Variants in LRBA observed in about 807,000 individuals in gnomAD.
LRBA encodes lipopolysaccharide-responsive and beige-like anchor protein.
In LRBA, 176 loss-of-function variants were observed where a neutral mutation model predicts 330.0. The observed-to-expected ratio is 0.53, with a 90% CI of 0.47 to 0.60. LRBA has a LOEUF of 0.60. Ranked by LOEUF, LRBA falls within the 20% of genes least tolerant of loss-of-function variation. The probability of loss-of-function intolerance (pLI) is 0.00; values close to 1 mark genes in which losing one functional copy is unlikely to be tolerated. For synonymous variants in LRBA, 1,230 were observed against 1,193.0 expected (o/e 1.03, Z -0.64); for missense variants, 3,259 against 3,444.8 (o/e 0.95, Z 1.35).
chr4:150,867,208 T>C (rs1752826380), intron 22 of LRBA, among the ~76,000 whole-genome samples: 1 of 152,078 alleles, frequency 6.6e-6, no homozygotes, highest in African/African-American at 2.4e-5. Context: ...AGCTTTTCTG[T>C]TTACTCATCC....
At chr4:150,463,387 AT>A (rs1040531581) in intron 44 of LRBA, among the ~76,000 whole-genome samples, 2 of 152,008 alleles carry the variant, frequency 1.3e-5, no homozygotes, top group African/African-American at 4.8e-5. Flanking sequence ...AAGGGCAAAT[AT>A]TTCACAAAAT....
chr4:150,970,523 TTGTGTGTGTGTGTGTG>T (rs372306849), intron 2 of LRBA: 1 of 115,632 alleles, frequency 8.6e-6, no homozygotes, highest in African/African-American at 3.4e-5. Flanking sequence ...TAATATATAC[TTGTGTGTGTGTGTGTG>T]TGTGTGTGTG....
At chr4:150,907,135 C>CAA (rs556917960) in intron 11 of LRBA, among the ~76,000 whole-genome samples, 98 of 131,676 alleles carry the variant, frequency 7.4e-4, no homozygotes, top group African/African-American at 2.4e-3. Flanking sequence ...TCCCACAAAA[C>CAA]AAAAAAAAAG....
intron 56 of LRBA, among the ~76,000 whole-genome samples, chr4:150,271,389 G>A (rs534203538): frequency 6.6e-6 from 1 of 152,008 alleles, no homozygotes; most frequent in African/African-American, 2.4e-5. Flanking sequence ...CTGGAAAGGA[G>A]GCTGAAGCCA....
In LRBA at chr4:150,383,899, G is replaced by C. The variant is rs1186966167; in HGVS notation, c.7194+31539C>G. On this transcript the variant is annotated intron_variant, in intron 47 of 56. Coordinates refer to ENST00000651943, the MANE Select transcript of LRBA (RefSeq NM_001364905.1). ...ATCTGCCTCCAGGTGGTGAAAAAGG[G>C]GAGTGTGTATAGCATTACAGTCTGG... Among the ~76,000 whole-genome samples, 81 of 152,186 alleles carry C rather than the reference G, an allele frequency of 5.3e-4. 1 individual carries two copies. Among genetic ancestry groups the C allele is most frequent in the Non-Finnish European group, 1.5e-5 (1 of 67,996 alleles).
chr4:150,435,686 A>T lies in LRBA; in HGVS notation c.6944T>A (p.Leu2315Gln), dbSNP rs1751017555. 4 of 1,611,036 alleles carry T rather than the reference A, an allele frequency of 2.5e-6. No homozygotes were observed. Among genetic ancestry groups the T allele is most frequent in the Non-Finnish European group, 3.4e-6 (4 of 1,178,896 alleles). The change falls in exon 46 of 57, where the codon CTA (leucine) becomes CAA (glutamine). Residue 2315 changes from leucine (L) to glutamine (Q), a missense_variant. By Grantham distance (113) the Leu-to-Gln change is moderately radical. Coordinates refer to ENST00000651943, the MANE Select transcript of LRBA (RefSeq NM_001364905.1). ...LRIEPFTTYFLNLQGGKFDHA... is the reference protein window; with the variant it reads ...LRIEPFTTYFQNLQGGKFDHA... ...ATCAAATTTGCCTCCTTGCAAATTT[A>T]GGAAATAAGTTGTAAAGGGTTCCTA...
intron 40 of LRBA, among the ~76,000 whole-genome samples, chr4:150,493,581 A>G (rs1222146182): frequency 6.6e-6 from 1 of 152,234 alleles, no homozygotes; most frequent in East Asian, 1.9e-4. Flanking sequence ...AAACTAGGGT[A>G]TCCAGCAAAC....
chr4:150,795,333 G>A (rs62346346), intron 34 of LRBA, among the ~76,000 whole-genome samples: 14,858 of 152,038 alleles, frequency 0.098, 1,355 homozygotes, highest in African/African-American at 0.25. Context: ...TGGCACACAA[G>A]TAAGTTGCAT....
intron 30 of LRBA, among the ~76,000 whole-genome samples, chr4:150,825,814 C>T (rs1314888153): frequency 6.6e-6 from 1 of 152,104 alleles, no homozygotes; most frequent in Non-Finnish European, 1.5e-5. Flanking sequence ...AAAGTCATGA[C>T]ATTATAAGAA....
intron 36 of LRBA, among the ~76,000 whole-genome samples, chr4:150,712,391 T>C (rs1242913315): frequency 6.6e-6 from 1 of 152,114 alleles, no homozygotes; most frequent in Non-Finnish European, 1.5e-5. Flanking sequence ...TCTAAGATAG[T>C]CCAGATACAT....
chr4:150,396,357 T>C (rs1413937536), intron 47 of LRBA, among the ~76,000 whole-genome samples: 1 of 152,090 alleles, frequency 6.6e-6, no homozygotes, highest in Non-Finnish European at 1.5e-5. Context: ...CCCTGGTTCT[T>C]AAGACTTCAC....
intron 40 of LRBA, chr4:150,581,978 AAAG>A (rs1380309508): frequency 2.0e-5 from 3 of 148,754 alleles, no homozygotes; most frequent in Non-Finnish European, 3.0e-5. Flanking sequence ...GAGTTAGAGG[AAAG>A]AAGAGAGAGC....
intron 44 of LRBA, among the ~76,000 whole-genome samples, chr4:150,440,638 G>A (rs1270989828): frequency 6.6e-6 from 1 of 152,028 alleles, no homozygotes; most frequent in African/African-American, 2.4e-5. Flanking sequence ...GATGGGCATG[G>A]TGGTGTATGC....
chr4:150,934,543 T>C lies in LRBA; in HGVS notation c.217-5478A>G, dbSNP rs531190407. On this transcript the variant is annotated intron_variant, in intron 2 of 56. Transcript: ENST00000651943. The stretch of plus-strand genomic sequence containing the variant: ...CCTACCCGTATTTGCAGGAACACTG[T>C]GTCTTATATCCTACAGAAATCTTTT... Among the ~76,000 whole-genome samples, 235 of 152,312 alleles carry C rather than the reference T, an allele frequency of 1.5e-3. 3 individuals carry two copies. The highest frequency in any genetic ancestry group is 2.9e-3 in the Non-Finnish European group (194 of 68,012).
intron 37 of LRBA, among the ~76,000 whole-genome samples, chr4:150,614,953 G>C (rs924893105): frequency 1.3e-5 from 2 of 152,194 alleles, no homozygotes; most frequent in African/African-American, 4.8e-5. Context: ...CAGAAAAAAG[G>C]GACAGAAAAT....
chr4:150,663,955 C>G (rs750736606), intron 37 of LRBA, among the ~76,000 whole-genome samples: 1 of 151,860 alleles, frequency 6.6e-6, no homozygotes, highest in Non-Finnish European at 1.5e-5. Context: ...GGGAACAGAA[C>G]TGAAAACACA....
At chr4:150,885,274 G>A (rs775368383) in intron 17 of LRBA, among the ~76,000 whole-genome samples, 1 of 149,636 alleles carries the variant, frequency 6.7e-6, no homozygotes, top group African/African-American at 2.4e-5. Context: ...ATTTAATGAC[G>A]AAACATTTAC....
At chr4:150,984,569 T>C (rs1410060134) in intron 2 of LRBA, among the ~76,000 whole-genome samples, 1 of 152,158 alleles carries the variant, frequency 6.6e-6, no homozygotes, top group Admixed American at 6.5e-5. Context: ...TAAATACATA[T>C]AATTTCTTAA....
intron 47 of LRBA, among the ~76,000 whole-genome samples, chr4:150,364,927 A>G (rs1055401585): frequency 1.3e-5 from 2 of 151,878 alleles, no homozygotes; most frequent in African/African-American, 4.8e-5. Flanking sequence ...ATTTTATATC[A>G]TAATAAAATA....
Sources: allele counts gnomAD v4.1 joint callset (sites outside exome capture counted in the v4.1 genomes callset), GRCh38; gene constraint gnomAD v4.1.1; transcripts MANE v1.5; gene names NCBI Gene and HGNC (gene_info 2026-07-23, HGNC 2026-07-21).